Variants in MGAT4A observed in about 807,000 individuals in gnomAD.
MGAT4A encodes alpha-1,3-mannosyl-glycoprotein 4-beta-N-acetylglucosaminyltransferase A.
MGAT4A carries 33 observed loss-of-function variants against 74.1 expected under a neutral mutation model. The ratio of observed to expected loss-of-function variants is 0.45; its 90% CI spans 0.34 to 0.60. MGAT4A has a LOEUF of 0.60. MGAT4A is among the 20% of genes least tolerant of loss of function. The probability of loss-of-function intolerance (pLI) is 0.02; values close to 1 mark genes in which losing one functional copy is unlikely to be tolerated. For synonymous variants in MGAT4A, 198 were observed against 210.4 expected, an observed-to-expected ratio of 0.94 and a Z score of 0.51; for missense variants, 479 against 628.3, an observed-to-expected ratio of 0.76 and a Z score of 2.54.
chr2:98,699,181 G>T (rs1702316479), intron 2 of MGAT4A, among the ~76,000 whole-genome samples: 1 of 152,188 alleles, frequency 6.6e-6, no homozygotes, highest in South Asian at 2.1e-4. Context: ...GTGTTGTGTT[G>T]TCTACCACGA....
At chr2:98,699,505 C>CT (rs554315514) in intron 2 of MGAT4A, among the ~76,000 whole-genome samples, 51 of 149,792 alleles carry the variant, frequency 3.4e-4, no homozygotes, top group Non-Finnish European at 5.2e-4. Context: ...ATATTTTAGT[C>CT]TTTTTTTTTT....
Position 98,663,164 on chromosome 2 carries a change from C to G in MGAT4A, c.419G>C (p.Gly140Ala), listed in dbSNP as rs772258710. 6.3e-7 allele frequency: 1 copy of G among 1,586,518 alleles called. No individual in the cohort carries two copies. Among genetic ancestry groups the G allele is most frequent in the Admixed American group, 1.8e-5 (1 of 54,856 alleles). ...NGRTGVSIVM[G>A]IPTVKREVKS... ...AACTTCTCTCTTCACTGTGGGAATGCCCATGACTATTGAAACTGGAAAAAA... is the reference window on the plus strand; with the variant it reads ...AACTTCTCTCTTCACTGTGGGAATGGCCATGACTATTGAAACTGGAAAAAA... Residue 140 changes from glycine to alanine, a missense_variant, in exon 5 of 16, where the codon GGC becomes GCC. Coordinates refer to ENST00000393487, the MANE Select transcript of MGAT4A (RefSeq NM_012214.3).
intron 4 of MGAT4A, 136 bp downstream of exon 4, chr2:98,674,899 T>C: frequency 1.3e-6 from 1 of 790,444 alleles, no homozygotes; most frequent in East Asian, 3.0e-5. Context: ...ACATGGAGTT[T>C]AGAATGATCT....
At chr2:98,628,826 C>G (rs1381314418) in intron 14 of MGAT4A, among the ~76,000 whole-genome samples, 1 of 151,972 alleles carries the variant, frequency 6.6e-6, no homozygotes, top group African/African-American at 2.4e-5. Flanking sequence ...AAATACTGTC[C>G]AATTATAAAT....
chr2:98,689,393 C>G (rs1702167085), intron 2 of MGAT4A, among the ~76,000 whole-genome samples: 1 of 152,214 alleles, frequency 6.6e-6, no homozygotes, highest in Non-Finnish European at 1.5e-5. Context: ...AGCAAAATCT[C>G]AGACTATGAG....
chr2:98,711,594 G>T (rs1702520038), intron 2 of MGAT4A, among the ~76,000 whole-genome samples: 1 of 151,910 alleles, frequency 6.6e-6, no homozygotes, highest in Admixed American at 6.6e-5. Flanking sequence ...TTTTTATATT[G>T]ATTGAGGTGT....
chr2:98,663,589 G>A, intron 4 of MGAT4A: 1 of 658,220 alleles, frequency 1.5e-6, no homozygotes, highest in Admixed American at 4.1e-5. Flanking sequence ...TGCCAACAAT[G>A]CATAACCTCA....
intron 2 of MGAT4A, among the ~76,000 whole-genome samples, chr2:98,707,595 G>A (rs568844198): frequency 6.6e-6 from 1 of 152,226 alleles, no homozygotes; most frequent in Non-Finnish European, 1.5e-5. Flanking sequence ...CGGAATGAGA[G>A]GGGAGAAAAA....
chr2:98,678,249 A>AAAAAT (rs67023324), intron 3 of MGAT4A, 55 bp downstream of exon 3: 5 of 263,880 alleles, frequency 1.9e-5, no homozygotes, highest in African/African-American at 1.1e-4. Flanking sequence ...AAAAAAAAAA[A>AAAAAT]ATATATATAT....
chr2:98,625,908 G>C, intron 14 of MGAT4A, 73 bp from the exon 15 acceptor site: 1 of 1,094,802 alleles, frequency 9.1e-7, no homozygotes. Flanking sequence ...AGTTAAGGCA[G>C]GAAAGGAATA....
At chr2:98,684,518 A>G (rs1372791362) in intron 2 of MGAT4A, among the ~76,000 whole-genome samples, 1 of 152,244 alleles carries the variant, frequency 6.6e-6, no homozygotes, top group Non-Finnish European at 1.5e-5. Context: ...CAGAGAAACC[A>G]CTTTGATTCT....
chr2:98,699,082 C>T (rs1040476681), intron 2 of MGAT4A, among the ~76,000 whole-genome samples: 13 of 152,166 alleles, frequency 8.5e-5, no homozygotes, highest in Admixed American at 7.2e-4. Context: ...GGAAAAGACA[C>T]ACGGAGAGAA....
chr2:98,722,093 C>T (rs1331098703), intron 2 of MGAT4A, among the ~76,000 whole-genome samples: 1 of 152,088 alleles, frequency 6.6e-6, no homozygotes, highest in Non-Finnish European at 1.5e-5. Flanking sequence ...CTGGTAATTC[C>T]TCAAATGATT....
intron 2 of MGAT4A, among the ~76,000 whole-genome samples, chr2:98,684,504 T>C (rs1702102183): frequency 6.6e-6 from 1 of 152,198 alleles, no homozygotes; most frequent in African/African-American, 2.4e-5. Context: ...TAAAACAAAA[T>C]TTCCAGAGAA....
Position 98,726,509 on chromosome 2 carries a change from A to G in MGAT4A, c.-177T>C. 1.9e-6 allele frequency: 1 copy of G among 517,398 alleles called. No homozygotes were observed. Among genetic ancestry groups the G allele is most frequent in the Middle Eastern group, 3.0e-4 (1 of 3,348 alleles). The allele number at this position is 517,398 out of a possible 1,614,324, so 32.1% of individuals were successfully genotyped here. A position where few individuals can be genotyped will look rare whatever the true frequency, so the allele number is the denominator to read the frequency against. On this transcript the variant is annotated 5_prime_UTR_variant, in exon 2 of 16. Coordinates refer to ENST00000393487, the MANE Select transcript of MGAT4A (RefSeq NM_012214.3). ...GAGCCTAGCAGCAATGCTGTTCACA[A>G]CTGTACTCGGGATCGTCTTTGCGGT...
At chr2:98,716,576 G>C (rs1464745851) in intron 2 of MGAT4A, among the ~76,000 whole-genome samples, 1 of 152,292 alleles carries the variant, frequency 6.6e-6, no homozygotes, top group African/African-American at 2.4e-5. Context: ...CAAGATTGTC[G>C]ATTGCACCAC....
chr2:98,687,929 G>GA (rs976707099), intron 2 of MGAT4A, among the ~76,000 whole-genome samples: 1 of 152,020 alleles, frequency 6.6e-6, no homozygotes, highest in African/African-American at 2.4e-5. Context: ...ACTGAAAAAG[G>GA]AAAAAAACAA....
chr2:98,665,103 G>A (rs980931489), intron 4 of MGAT4A, among the ~76,000 whole-genome samples: 5 of 152,056 alleles, frequency 3.3e-5, no homozygotes, highest in African/African-American at 4.8e-5. Flanking sequence ...GCCGAGGCGG[G>A]TGGATCACGA....
intron 2 of MGAT4A, among the ~76,000 whole-genome samples, chr2:98,723,708 C>T (rs1202507535): frequency 1.3e-5 from 2 of 152,146 alleles, no homozygotes; most frequent in African/African-American, 4.8e-5. Flanking sequence ...CACGCAGGTC[C>T]CTGGACCTGA....
Sources: allele counts gnomAD v4.1 joint callset (sites outside exome capture counted in the v4.1 genomes callset), GRCh38; gene constraint gnomAD v4.1.1; transcripts MANE v1.5; gene names NCBI Gene and HGNC (gene_info 2026-07-23, HGNC 2026-07-21).